The following PRELID2 variants were observed in gnomAD, a reference collection of about 807,000 sequenced individuals.
PRELID2 encodes the protein PRELI domain containing 2.
Under a neutral mutation model 28.4 loss-of-function variants are expected in PRELID2, and 25 were observed. The observed-to-expected ratio is 0.88, with a 90% confidence interval of 0.64 to 1.23. PRELID2 has a LOEUF of 1.23. PRELID2 is among the 50% of genes most tolerant of loss of function. The pLI, the probability that PRELID2 is intolerant of heterozygous loss-of-function variation, is 0.00. For synonymous variants in PRELID2, 76 were observed against 71.6 expected, an observed-to-expected ratio of 1.06 and a Z score of -0.31; for missense variants, 201 against 214.4, an observed-to-expected ratio of 0.94 and a Z score of 0.39.
chr5:145,825,636 T>C (rs1405663275), intron 1 of PRELID2, among the ~76,000 whole-genome samples: 1 of 152,232 alleles, frequency 6.6e-6, no homozygotes, highest in Non-Finnish European at 1.5e-5. Context: ...TTTTTCAAGT[T>C]CTGATTACTT....
the PRELID2 span, among the ~76,000 whole-genome samples, chr5:145,380,690 G>A: frequency 6.6e-6 from 1 of 152,060 alleles, no homozygotes; most frequent in Admixed American, 6.6e-5. Flanking sequence ...TTTTACAGTA[G>A]AGCTATTTTT....
chr5:145,264,177 C>T, the PRELID2 span, among the ~76,000 whole-genome samples: 2 of 152,130 alleles, frequency 1.3e-5, no homozygotes, highest in African/African-American at 2.4e-5. Flanking sequence ...ATACCAAAAC[C>T]AGTAAAGGAC....
chr5:145,463,617 T>A, the PRELID2 span, among the ~76,000 whole-genome samples: 1 of 152,092 alleles, frequency 6.6e-6, no homozygotes, highest in Admixed American at 6.6e-5. Flanking sequence ...CCTGGACAAA[T>A]GAAAATCACT....
the PRELID2 span, among the ~76,000 whole-genome samples, chr5:145,421,738 T>C: frequency 1.9e-4 from 27 of 143,448 alleles, no homozygotes; most frequent in Non-Finnish European, 2.8e-4. Flanking sequence ...TTCCTTCAGT[T>C]CTGCTCTGAT....
At chr5:145,395,769 A>G in the PRELID2 span, among the ~76,000 whole-genome samples, 1 of 152,290 alleles carries the variant, frequency 6.6e-6, no homozygotes, top group Admixed American at 6.5e-5. Flanking sequence ...AGGCAATGCA[A>G]TGAGGTGTAA....
intron 1 of PRELID2, among the ~76,000 whole-genome samples, chr5:145,671,214 A>G (rs1024939746): frequency 1.3e-4 from 20 of 152,206 alleles, no homozygotes; most frequent in Non-Finnish European, 4.4e-5. Flanking sequence ...GTTAAAAACT[A>G]TCGCTATACA....
At chr5:145,524,948 T>A (rs1035244487) in intron 1 of PRELID2, among the ~76,000 whole-genome samples, 5 of 152,176 alleles carry the variant, frequency 3.3e-5, no homozygotes, top group African/African-American at 1.2e-4. Context: ...TAGGAAGAGT[T>A]TGACGCAAGT....
the PRELID2 span, among the ~76,000 whole-genome samples, chr5:145,265,992 C>T: frequency 6.6e-6 from 1 of 152,106 alleles, no homozygotes; most frequent in Non-Finnish European, 1.5e-5. Flanking sequence ...AAAGCTTCTG[C>T]ACAACAAAAG....
intron 1 of PRELID2, among the ~76,000 whole-genome samples, chr5:145,659,214 A>C (rs1754447671): frequency 6.6e-6 from 1 of 152,170 alleles, no homozygotes; most frequent in Admixed American, 6.6e-5. Flanking sequence ...TAGATCACAG[A>C]GACTACTCAC....
rs561219641 is a variant in PRELID2 at position 145,707,040 on chromosome 5, T to C, written n.70+57891A>G. Among the ~76,000 whole-genome samples the C allele has an allele frequency of 1.1e-3, 171 of 152,346 alleles. 1 individual carries two copies. The highest frequency in any genetic ancestry group is 4.0e-3 in the African/African-American group (166 of 41,582). ...ACACAATCCTTAAGTCACTCGAGTG[T>C]CCTTCAGATTCAAAGGAAATGAGGA... On this transcript the variant is annotated intron_variant and non_coding_transcript_variant, in intron 1 of 2. Transcript: ENST00000510259.
downstream of PRELID2, among the ~76,000 whole-genome samples, chr5:145,753,949 C>T (rs995974340): frequency 6.6e-6 from 1 of 152,118 alleles, no homozygotes; most frequent in African/African-American, 2.4e-5. Flanking sequence ...CTTTCCAAGG[C>T]TTGTGTTGAG....
intron 1 of PRELID2, among the ~76,000 whole-genome samples, chr5:145,613,767 G>T (rs182782782): frequency 5.8e-4 from 88 of 152,206 alleles, no homozygotes; most frequent in Middle Eastern, 3.4e-3. Flanking sequence ...CTCCCATTCT[G>T]TGGGTTGTCC....
rs1755124076 is a variant in PRELID2, at chr5:145,690,395, T to C, written n.70+74536A>G. On this transcript the variant is annotated intron_variant and non_coding_transcript_variant, in intron 1 of 2. Transcript: ENST00000510259. ...TGAGCCAATCAGAACGCCACGTGTT[T>C]CTGGCCACGGTGATTGGTTCAGGGT... Among the ~76,000 whole-genome samples the C allele has an allele frequency of 2.6e-5, 4 of 152,264 alleles. No individual in the cohort carries two copies. In the South Asian group the frequency reaches 8.3e-4, roughly 32 times the overall value.
chr5:145,290,964 G>C, the PRELID2 span, among the ~76,000 whole-genome samples: 1 of 151,668 alleles, frequency 6.6e-6, no homozygotes, highest in African/African-American at 2.4e-5. Flanking sequence ...TTAGAGATAG[G>C]TTTTTACAGA....
chr5:145,392,179 T>C, the PRELID2 span, among the ~76,000 whole-genome samples: 2 of 152,144 alleles, frequency 1.3e-5, no homozygotes, highest in Non-Finnish European at 2.9e-5. Context: ...AATAAAGACA[T>C]ACTTGAGACT....
chr5:145,558,492 T>C (rs73309608), intron 1 of PRELID2, among the ~76,000 whole-genome samples: 1 of 152,194 alleles, frequency 6.6e-6, no homozygotes, highest in East Asian at 1.9e-4. Context: ...TAGTTACAAT[T>C]TGCCCTAAGA....
chr5:145,632,310 C>T (rs1459444557), intron 1 of PRELID2, among the ~76,000 whole-genome samples: 3 of 152,168 alleles, frequency 2.0e-5, no homozygotes, highest in African/African-American at 7.2e-5. Flanking sequence ...AATCACCGAA[C>T]TTTAACATTG....
chr5:145,290,171 C>A, the PRELID2 span, among the ~76,000 whole-genome samples: 2 of 152,102 alleles, frequency 1.3e-5, no homozygotes, highest in Non-Finnish European at 2.9e-5. Flanking sequence ...ACTAGTTCAA[C>A]CATTGTGGAA....
At chr5:145,252,775 T>A in the PRELID2 span, among the ~76,000 whole-genome samples, 1 of 152,214 alleles carries the variant, frequency 6.6e-6, no homozygotes, top group African/African-American at 2.4e-5. Context: ...GTTCTCAAAA[T>A]GTATAGTGAT....
Sources: allele counts gnomAD v4.1 joint callset (sites outside exome capture counted in the v4.1 genomes callset), GRCh38; gene constraint gnomAD v4.1.1; transcripts MANE v1.5; gene names NCBI Gene and HGNC (gene_info 2026-07-23, HGNC 2026-07-21).